Variants in SCAMP2 observed in about 807,000 individuals in gnomAD.
The protein encoded by SCAMP2 is secretory carrier-associated membrane protein 2.
Under a neutral mutation model 44.1 loss-of-function variants are expected in SCAMP2, and 25 were observed. The ratio of observed to expected loss-of-function variants is 0.57; its 90% CI spans 0.41 to 0.79. The LOEUF (loss-of-function observed/expected upper bound fraction) is 0.79, where lower values mean the gene tolerates loss of function less well. SCAMP2 is among the 30% of genes least tolerant of loss of function. The probability of loss-of-function intolerance (pLI) is 0.00; values close to 1 mark genes in which losing one functional copy is unlikely to be tolerated. For missense variants in SCAMP2, 355 were observed against 411.0 expected (o/e 0.86, Z 1.18); for synonymous variants, 156 against 166.0 (o/e 0.94, Z 0.46).
chr15:74,849,698 C>G (rs2064422600), intron 6 of SCAMP2, among the ~76,000 whole-genome samples: 1 of 151,394 alleles, frequency 6.6e-6, no homozygotes, highest in Admixed American at 6.6e-5. Context: ...GAGCCGAGAT[C>G]GCATCATTGC....
At chr15:74,864,575 G>A (rs2064530055) in intron 1 of SCAMP2, among the ~76,000 whole-genome samples, 1 of 152,132 alleles carries the variant, frequency 6.6e-6, no homozygotes, top group South Asian at 2.1e-4. Context: ...GCAGTGAAGG[G>A]AGTGCAACAG....
chr15:74,856,071 C>T (rs2064466893), intron 1 of SCAMP2, among the ~76,000 whole-genome samples: 1 of 151,900 alleles, frequency 6.6e-6, no homozygotes, highest in Admixed American at 6.6e-5. Context: ...ATGCAGGGCT[C>T]AGGTCCAGCT....
intron 1 of SCAMP2, among the ~76,000 whole-genome samples, chr15:74,861,023 A>C (rs2064499802): frequency 6.6e-6 from 1 of 151,738 alleles, no homozygotes; most frequent in African/African-American, 2.4e-5. Flanking sequence ...AAAAGTACAA[A>C]AATTAGCCAG....
intron 4 of SCAMP2, 192 bp downstream of exon 4, chr15:74,851,877 C>T: frequency 2.1e-6 from 1 of 481,510 alleles, no homozygotes; most frequent in East Asian, 3.2e-5. Flanking sequence ...TAATCTACAG[C>T]CATTACAACT....
At chr15:74,868,420 C>G (rs576427660) in intron 1 of SCAMP2, among the ~76,000 whole-genome samples, 1 of 152,322 alleles carries the variant, frequency 6.6e-6, no homozygotes, top group East Asian at 1.9e-4. Context: ...AACGACTGAG[C>G]AGAAAACAGA....
chr15:74,862,852 A>G (rs912511218), intron 1 of SCAMP2, among the ~76,000 whole-genome samples: 1 of 30,208 alleles, frequency 3.3e-5, no homozygotes, highest in African/African-American at 7.8e-5. Flanking sequence ...AAAACAAACC[A>G]TACACACACA....
intron 1 of SCAMP2, among the ~76,000 whole-genome samples, chr15:74,862,853 T>TACACACACATACAC (rs1555475210): frequency 1.1e-5 from 1 of 87,482 alleles, no homozygotes; most frequent in Admixed American, 1.5e-4. Flanking sequence ...AAACAAACCA[T>TACACACACATACAC]ACACACACAC....
At chr15:74,871,515 G>A (rs2064575049) in intron 1 of SCAMP2, among the ~76,000 whole-genome samples, 4 of 152,132 alleles carry the variant, frequency 2.6e-5, no homozygotes, top group Admixed American at 1.3e-4. Flanking sequence ...CACTTTGGGA[G>A]GCCGAGGCAG....
chr15:74,858,532 G>A (rs1213502108), intron 1 of SCAMP2, among the ~76,000 whole-genome samples: 3 of 152,062 alleles, frequency 2.0e-5, no homozygotes, highest in Non-Finnish European at 4.4e-5. Context: ...TTTATATTTT[G>A]CAGCTGGAAA....
chr15:74,870,962 T>C (rs979431574), intron 1 of SCAMP2, among the ~76,000 whole-genome samples: 1 of 152,098 alleles, frequency 6.6e-6, no homozygotes, highest in Non-Finnish European at 1.5e-5. Flanking sequence ...GCAGGGTGAG[T>C]TAATGTGCCT....
intron 4 of SCAMP2, 39 bp downstream of exon 4, chr15:74,852,030 C>G (rs758776942): frequency 2.3e-5 from 33 of 1,432,260 alleles, no homozygotes; most frequent in Non-Finnish European, 3.0e-5. Context: ...CTCTTCTATG[C>G]CAGGCAGGGC....
intron 1 of SCAMP2, among the ~76,000 whole-genome samples, chr15:74,871,899 G>C (rs2064578218): frequency 1.3e-5 from 2 of 150,426 alleles, no homozygotes; most frequent in African/African-American, 4.9e-5. Flanking sequence ...ACAAAAATTA[G>C]CCGGGTGTGG....
At position 74,845,038 on chromosome 15, in the gene SCAMP2, G is replaced by C; in HGVS notation, c.*45C>G. ...AGGCACCCACGGAAAGTGCAGCTCAGAAGGCAGGCGAGAGAAAGGCTGAGG... is the reference window on the plus strand; with the variant it reads ...AGGCACCCACGGAAAGTGCAGCTCACAAGGCAGGCGAGAGAAAGGCTGAGG... On this transcript the variant is annotated 3_prime_UTR_variant, in exon 9 of 9. Coordinates refer to ENST00000268099, the MANE Select transcript of SCAMP2 (RefSeq NM_005697.5). 1 of 1,593,808 alleles carries C rather than the reference G, an allele frequency of 6.3e-7. No individual in the cohort carries two copies. Among genetic ancestry groups the C allele is most frequent in the Non-Finnish European group, 8.6e-7 (1 of 1,166,522 alleles).
intron 7 of SCAMP2, 93 bp from the exon 8 acceptor site, chr15:74,845,686 T>C (rs556216706): frequency 1.3e-6 from 2 of 1,487,076 alleles, no homozygotes; most frequent in South Asian, 1.2e-5. Context: ...TGCTGTGTCC[T>C]GACCATCACC....
chr15:74,860,685 TA>T lies in SCAMP2; in HGVS notation c.58-6037del, dbSNP rs34842935. On this transcript the variant is annotated intron_variant, in intron 1 of 8. Transcript: ENST00000268099. ...CTGGGATACAGAGGAAGACTCCATT[TA>T]AAAAAAAAAAAAAAAAAAAAGCCAG... Among the ~76,000 whole-genome samples the T allele has an allele frequency of 4.3e-3, 383 of 89,534 alleles. 4 individuals are homozygous for T. Among genetic ancestry groups the T allele is most frequent in the Admixed American group, 0.022 (153 of 7,072 alleles). 58.7% of individuals were successfully genotyped at this position (89,534 alleles called of 152,430 possible).
intron 6 of SCAMP2, among the ~76,000 whole-genome samples, chr15:74,849,667 C>T (rs2064422342): frequency 6.6e-6 from 1 of 151,832 alleles, no homozygotes; most frequent in South Asian, 2.1e-4. Context: ...TCATTTGAAC[C>T]CAGGAGGAGG....
At chr15:74,873,146 G>A (rs973053181) in intron 1 of SCAMP2, 53 bp downstream of exon 1, 10 of 1,375,802 alleles carry the variant, frequency 7.3e-6, no homozygotes, top group African/African-American at 1.5e-5. Context: ...CCCGGGCGGC[G>A]GCCGTGGGCC....
chr15:74,851,626 G>T, intron 4 of SCAMP2, 145 bp from the exon 5 acceptor site: 1 of 972,664 alleles, frequency 1.0e-6, no homozygotes, highest in Non-Finnish European at 1.5e-6. Context: ...CATGGAGCAT[G>T]GAGTGGGACA....
intron 1 of SCAMP2, among the ~76,000 whole-genome samples, chr15:74,857,725 TAAA>T (rs1221691505): frequency 9.2e-5 from 14 of 152,212 alleles, no homozygotes; most frequent in Admixed American, 5.9e-4. Flanking sequence ...CCCTTTTTCC[TAAA>T]ATCTTAAAGA....
Sources: gnomAD v4.1 joint callset for allele counts (sites outside exome capture counted in the v4.1 genomes callset) on GRCh38, gnomAD v4.1.1 for gene constraint, MANE v1.5 for transcripts, NCBI Gene and HGNC (gene_info 2026-07-23, HGNC 2026-07-21) for gene names.